Variants in NF2 observed in about 807,000 individuals in gnomAD.
The protein encoded by NF2 is merlin.
A neutral mutation model predicts 83.7 loss-of-function variants in NF2; 8 were observed. That is an observed-to-expected ratio of 0.10 (90% confidence interval 0.06 to 0.17). The LOEUF is 0.17. NF2 is among the 10% of genes least tolerant of loss of function. NF2 has a pLI of 1.00. For synonymous variants in NF2, 266 were observed against 269.6 expected (o/e 0.99, Z 0.13); for missense variants, 533 against 744.4 (o/e 0.72, Z 3.31).
chr22:29,634,544 G>T (rs1202964331), intron 1 of NF2, among the ~76,000 whole-genome samples: 1 of 152,126 alleles, frequency 6.6e-6, no homozygotes, highest in African/African-American at 2.4e-5. Context: ...GCCCCTTCTT[G>T]CCAAAGCCCA....
rs753576808 is a variant in NF2, at chr22:29,680,209, G to T, written c.1575-1230G>T. The stretch of plus-strand genomic sequence containing the variant: ...TCACTGTAACCTCCACCTCCTGGGT[G>T]CAAGCGATTCTCCTGCCTCAGCCTC... On this transcript the variant is annotated intron_variant, in intron 14 of 15. Coordinates refer to ENST00000338641, the MANE Select transcript of NF2 (RefSeq NM_000268.4). 1.4e-3 allele frequency among the ~76,000 whole-genome samples: 219 copies of T among 151,916 alleles called. 3 individuals carry two copies. The Middle Eastern group carries it at 0.017, about 12-fold the overall frequency.
intron 1 of NF2, among the ~76,000 whole-genome samples, chr22:29,627,376 G>C (rs2065393919): frequency 6.6e-6 from 1 of 152,172 alleles, no homozygotes; most frequent in Non-Finnish European, 1.5e-5. Context: ...AAATTCCAAA[G>C]ATATTGTCGT....
chr22:29,659,387 C>T (rs778508521), intron 7 of NF2, among the ~76,000 whole-genome samples: 8 of 152,132 alleles, frequency 5.3e-5, no homozygotes, highest in Non-Finnish European at 8.8e-5. Flanking sequence ...TTTGCTATAT[C>T]GCCCAGGCCT....
At chr22:29,635,618 A>G (rs944307338) in intron 1 of NF2, among the ~76,000 whole-genome samples, 1 of 152,130 alleles carries the variant, frequency 6.6e-6, no homozygotes, top group African/African-American at 2.4e-5. Context: ...GTGAACCACC[A>G]CGCCCGGCTG....
chr22:29,654,674 C>T lies in NF2; in HGVS notation c.465C>T (p.Pro155=), dbSNP rs374911526. Residue 155 remains proline (P), a synonymous_variant, in exon 5 of 16, where the codon CCC becomes CCT. Transcript: ENST00000338641. The part of the protein sequence containing the change: ...AVQAKYGDYD[P]SVHKRGFLAQ... ...CTTTCCAGTATGGTGACTACGACCC[C>T]AGTGTTCACAAGCGGGGATTTTTGG... The T allele has an allele frequency of 1.5e-4, 243 of 1,613,776 alleles. No homozygotes were observed. The highest frequency in any genetic ancestry group is 2.0e-4 in the Non-Finnish European group (231 of 1,179,826).
chr22:29,685,327 C>T (rs996286402), intron 15 of NF2, among the ~76,000 whole-genome samples: 9 of 151,902 alleles, frequency 5.9e-5, no homozygotes, highest in African/African-American at 2.2e-4. Flanking sequence ...AGGCTGGTCT[C>T]GAACTCCTGA....
intron 5 of NF2, 121 bp downstream of exon 5, chr22:29,654,846 G>A: frequency 1.3e-6 from 1 of 786,976 alleles, no homozygotes; most frequent in Non-Finnish European, 2.2e-6. Context: ...TAAATATTTT[G>A]TAATCTCCAG....
At chr22:29,683,371 G>A in intron 15 of NF2, 1 of 1,355,538 alleles carries the variant, frequency 7.4e-7, no homozygotes, top group East Asian at 2.9e-5. Context: ...TTCTTGTCCA[G>A]TCAGGTGTGT....
At chr22:29,667,626 T>A (rs2066663000) in intron 9 of NF2, among the ~76,000 whole-genome samples, 1 of 152,170 alleles carries the variant, frequency 6.6e-6, no homozygotes, top group Admixed American at 6.5e-5. Flanking sequence ...GGCTCAAGGA[T>A]CCTCTCACCT....
intron 1 of NF2, chr22:29,609,313 C>A: frequency 1.5e-6 from 1 of 667,350 alleles, no homozygotes. Flanking sequence ...GGTTGAGGAT[C>A]CAGTTCCCAT....
rs1052474320 is a variant in NF2, at chr22:29,658,181, C to T, written c.600-8C>T. On this transcript the variant is annotated splice_region_variant and splice_polypyrimidine_tract_variant and intron_variant, in intron 6 of 15. Coordinates refer to ENST00000338641, the MANE Select transcript of NF2 (RefSeq NM_000268.4). ...CTCCAATGACAGTGTCTTCCGTTCTCCCCACAGGGATGAAGCTGAAATGGA... is the reference window on the plus strand; with the variant it reads ...CTCCAATGACAGTGTCTTCCGTTCTTCCCACAGGGATGAAGCTGAAATGGA... 2 of 1,613,628 alleles carry T rather than the reference C, an allele frequency of 1.2e-6. No homozygotes were observed. The highest frequency in any genetic ancestry group is 2.7e-5 in the African/African-American group (2 of 74,898).
In NF2 at chr22:29,676,173, A is replaced by T. The variant is rs572475023; in HGVS notation, c.1446+1232A>T. Among the ~76,000 whole-genome samples the T allele has an allele frequency of 2.2e-3, 315 of 145,226 alleles. 4 individuals carry two copies. In the Middle Eastern group the frequency reaches 0.025, roughly 12 times the overall value. ...GTTTTTATTTTTTATTTTATTTATTATTTTTTTTTTTAGAGAGAGAGAGTT... is the reference window on the plus strand; with the variant it reads ...GTTTTTATTTTTTATTTTATTTATTTTTTTTTTTTTTAGAGAGAGAGAGTT... On this transcript the variant is annotated intron_variant, in intron 13 of 15. Coordinates refer to ENST00000338641, the MANE Select transcript of NF2 (RefSeq NM_000268.4).
At chr22:29,617,343 C>CTGAT (rs1227631177) in intron 1 of NF2, among the ~76,000 whole-genome samples, 1 of 152,158 alleles carries the variant, frequency 6.6e-6, no homozygotes, top group East Asian at 1.9e-4. Context: ...TCAGCTAGAG[C>CTGAT]AAGGTTTTTC....
chr22:29,613,393 G>A (rs753912292), intron 1 of NF2, among the ~76,000 whole-genome samples: 4 of 152,094 alleles, frequency 2.6e-5, no homozygotes, highest in Non-Finnish European at 4.4e-5. Flanking sequence ...AACCGGGCGT[G>A]GGGGTGCACA....
chr22:29,688,587 C>T (rs763295074), intron 15 of NF2, among the ~76,000 whole-genome samples: 13 of 152,220 alleles, frequency 8.5e-5, no homozygotes, highest in African/African-American at 2.7e-4. Context: ...AGAGGAGCAG[C>T]GGAGGGCCCC....
rs1449549181 is a variant in NF2, at chr22:29,694,606, G to C, written c.1738-146G>C. 2 of 811,826 alleles carry C rather than the reference G, an allele frequency of 2.5e-6. No homozygotes were observed. The highest frequency in any genetic ancestry group is 4.0e-5 in the Admixed American group (2 of 49,918). 50.3% of individuals were successfully genotyped at this position (811,826 alleles called of 1,614,324 possible). A position where few individuals can be genotyped will look rare whatever the true frequency, so the allele number is the denominator to read the frequency against. ...CAAATCTGGCCGCTTATTTGGGACT[G>C]ACAGCCAACTTCTTGAGCATCTATT... is the stretch of plus-strand genomic sequence containing the variant. On this transcript the variant is annotated intron_variant, in intron 15 of 15. Transcript: ENST00000338641. This position sits in a 1 kb window ranked among gnomAD's most constrained non-coding sequence, Gnocchi z 4.1.
chr22:29,622,305 CA>C (rs1241624796), intron 1 of NF2, among the ~76,000 whole-genome samples: 1 of 152,186 alleles, frequency 6.6e-6, no homozygotes, highest in Non-Finnish European at 1.5e-5. Context: ...TCTAGTTTGT[CA>C]TTTTGAATCA....
chr22:29,647,035 C>CAA (rs67597134), intron 4 of NF2, among the ~76,000 whole-genome samples: 46,004 of 116,482 alleles, frequency 0.39, 8,617 homozygotes, highest in Non-Finnish European at 0.49. Context: ...GACTCCATCT[C>CAA]AAAAAAAAAA....
In NF2 at chr22:29,674,816, A is replaced by G. The variant is rs1445923363; in HGVS notation, c.1341-20A>G. 2.6e-6 allele frequency: 4 copies of G among 1,550,802 alleles called. No homozygotes were observed. Among genetic ancestry groups the G allele is most frequent in the East Asian group, 4.9e-5 (2 of 41,138 alleles). On this transcript the variant is annotated intron_variant, in intron 12 of 15. Transcript: ENST00000338641. ...ACCTGCCCTCTTCTGTGAAGCTGAC[A>G]TCTCATCCTTTCCTTGCAGGGCCAA... is the stretch of plus-strand genomic sequence containing the variant.
Sources: allele counts gnomAD v4.1 joint callset (sites outside exome capture counted in the v4.1 genomes callset), GRCh38; gene constraint gnomAD v4.1.1; non-coding constraint Gnocchi (gnomAD v3.1); transcripts MANE v1.5; gene names NCBI Gene and HGNC (gene_info 2026-07-23, HGNC 2026-07-21).